Variants in CLIC4 observed in about 807,000 individuals in gnomAD.
The protein encoded by CLIC4 is CLIC family member 4, also known as chloride intracellular channel protein 4.
A neutral mutation model predicts 24.6 loss-of-function variants in CLIC4; 13 were observed. The observed-to-expected ratio is 0.53, with a 90% CI of 0.34 to 0.84. The LOEUF is 0.84. Ranked by LOEUF, CLIC4 falls within the 40% of genes least tolerant of loss-of-function variation. The pLI is 0.01. For missense variants in CLIC4, 227 were observed against 301.7 expected (o/e 0.75, Z 1.83); for synonymous variants, 104 against 111.3 (o/e 0.93, Z 0.41).
At chr1:24,805,110 A>AAC (rs1639536405) in intron 2 of CLIC4, among the ~76,000 whole-genome samples, 1 of 147,964 alleles carries the variant, frequency 6.8e-6, no homozygotes, top group African/African-American at 2.5e-5. Context: ...AAAAAACACA[A>AAC]AAACAAAGAC....
chr1:24,809,815 A>G (rs1639593835), intron 2 of CLIC4, among the ~76,000 whole-genome samples: 1 of 152,212 alleles, frequency 6.6e-6, no homozygotes, highest in Non-Finnish European at 1.5e-5. Context: ...AGGAAGGAAG[A>G]AGGAAGGCAG....
At chr1:24,772,724 T>TCCAC (rs1639085575) in intron 1 of CLIC4, among the ~76,000 whole-genome samples, 2 of 152,278 alleles carry the variant, frequency 1.3e-5, no homozygotes, top group Admixed American at 1.3e-4. Context: ...GACCTCATGA[T>TCCAC]CCACCCACCT....
chr1:24,806,660 A>G lies in CLIC4; in HGVS notation c.183-7434A>G, dbSNP rs1464880160. ...ATTAATCAGATTTTGTTTATTACCAATCAGTTAATGCTAGGTAACCATTTA... is the reference window on the plus strand; with the variant it reads ...ATTAATCAGATTTTGTTTATTACCAGTCAGTTAATGCTAGGTAACCATTTA... On this transcript the variant is annotated intron_variant, in intron 2 of 5. Transcript: ENST00000374379. Among the ~76,000 whole-genome samples, 6 of 152,316 alleles carry G rather than the reference A, an allele frequency of 3.9e-5. No homozygotes were observed. The East Asian group carries it at 1.2e-3, about 29-fold the overall frequency.
intron 3 of CLIC4, among the ~76,000 whole-genome samples, chr1:24,815,561 T>A (rs1336173059): frequency 2.0e-5 from 3 of 152,156 alleles, no homozygotes; most frequent in Non-Finnish European, 4.4e-5. Flanking sequence ...CGAGTCAATC[T>A]TTTTGCCGAT....
Position 24,745,496 on chromosome 1 carries a change from C to A in CLIC4, c.-58C>A. On this transcript the variant is annotated 5_prime_UTR_variant, in exon 1 of 6. Coordinates refer to ENST00000374379, the MANE Select transcript of CLIC4 (RefSeq NM_013943.3). Reference sequence around the variant, plus strand: ...ACCGGCAGCCGGAGCAGTCCCGGAGCAGAAGCAGCAGCAGCAGCAGCAGCC... The same window carrying A: ...ACCGGCAGCCGGAGCAGTCCCGGAGAAGAAGCAGCAGCAGCAGCAGCAGCC... The A allele has an allele frequency of 2.7e-6, 4 of 1,485,362 alleles. No homozygotes were observed. The highest frequency in any genetic ancestry group is 2.0e-5 in the Admixed American group (1 of 49,254). 92.0% of individuals were successfully genotyped at this position (1,485,362 alleles called of 1,614,324 possible).
At chr1:24,797,975 A>G in intron 2 of CLIC4, 124 bp downstream of exon 2, 1 of 686,860 alleles carries the variant, frequency 1.5e-6, no homozygotes, top group Non-Finnish European at 2.5e-6. Flanking sequence ...CTGCTGGTTT[A>G]TGGACAAACA....
intron 4 of CLIC4, among the ~76,000 whole-genome samples, chr1:24,827,470 A>C (rs1639798036): frequency 6.6e-6 from 1 of 150,720 alleles, no homozygotes; most frequent in Non-Finnish European, 1.5e-5. Flanking sequence ...TTTAGCATAG[A>C]TTGGTTGAGC....
At chr1:24,756,242 G>T (rs574163906) in intron 1 of CLIC4, among the ~76,000 whole-genome samples, 1 of 151,962 alleles carries the variant, frequency 6.6e-6, no homozygotes, top group African/African-American at 2.4e-5. Context: ...CTCGTGATCC[G>T]CCCGCCTCGG....
intron 4 of CLIC4, among the ~76,000 whole-genome samples, chr1:24,827,550 T>G (rs968519306): frequency 4.0e-5 from 6 of 151,598 alleles, no homozygotes; most frequent in Non-Finnish European, 7.4e-5. Flanking sequence ...AGGTTTTTTT[T>G]TTTTTTTTTT....
intron 1 of CLIC4, among the ~76,000 whole-genome samples, chr1:24,760,883 C>T (rs774692221): frequency 2.6e-5 from 4 of 152,022 alleles, no homozygotes; most frequent in African/African-American, 7.2e-5. Flanking sequence ...TTCAGTTTAA[C>T]GGGGCATTCC....
intron 1 of CLIC4, among the ~76,000 whole-genome samples, chr1:24,795,005 G>T (rs780748497): frequency 6.6e-5 from 10 of 152,150 alleles, no homozygotes; most frequent in Non-Finnish European, 4.4e-5. Context: ...GGTTATAGGT[G>T]TGTGGCCTTA....
At chr1:24,806,526 A>G (rs1295207869) in intron 2 of CLIC4, among the ~76,000 whole-genome samples, 2 of 152,246 alleles carry the variant, frequency 1.3e-5, no homozygotes, top group Admixed American at 6.5e-5. Context: ...AAATATATAT[A>G]TAGCCTTTCA....
intron 1 of CLIC4, among the ~76,000 whole-genome samples, chr1:24,785,289 A>G (rs977904004): frequency 1.3e-5 from 2 of 152,152 alleles, no homozygotes; most frequent in African/African-American, 4.8e-5. Flanking sequence ...GTCAAGTAAC[A>G]TTTTAAAAAC....
intron 1 of CLIC4, among the ~76,000 whole-genome samples, chr1:24,775,821 T>C (rs1313319371): frequency 6.6e-6 from 1 of 151,536 alleles, no homozygotes; most frequent in Admixed American, 6.6e-5. Context: ...GTAGTCTCCT[T>C]GATTACTTTT....
intron 1 of CLIC4, among the ~76,000 whole-genome samples, chr1:24,797,245 C>G (rs1448454686): frequency 6.6e-6 from 1 of 151,578 alleles, no homozygotes; most frequent in African/African-American, 2.4e-5. Context: ...TGCCACCACG[C>G]CTGGCCCTAG....
At chr1:24,749,163 G>A (rs1204257891) in intron 1 of CLIC4, among the ~76,000 whole-genome samples, 1 of 151,460 alleles carries the variant, frequency 6.6e-6, no homozygotes, top group Non-Finnish European at 1.5e-5. Flanking sequence ...GCAGTGAGCC[G>A]AGATAGTGCC....
chr1:24,776,490 A>C (rs1639142558), intron 1 of CLIC4, among the ~76,000 whole-genome samples: 1 of 152,224 alleles, frequency 6.6e-6, no homozygotes, highest in African/African-American at 2.4e-5. Flanking sequence ...GCCTGGTCTT[A>C]CTAGAAGACT....
chr1:24,787,709 T>TC lies in CLIC4; in HGVS notation c.73-10033_73-10032insC, dbSNP rs1457951910. Reference sequence around the variant, plus strand: ...TGCCACCACGCCAGGCTAATTTTTTTTTTTTTTTTGTATATTTAGTACAGA... The same window carrying TC: ...TGCCACCACGCCAGGCTAATTTTTTTCTTTTTTTTTGTATATTTAGTACAGA... On this transcript the variant is annotated intron_variant, in intron 1 of 5. Transcript: ENST00000374379. Among the ~76,000 whole-genome samples, 202 of 151,306 alleles carry TC rather than the reference T, an allele frequency of 1.3e-3. 4 individuals are homozygous for TC. The East Asian group carries it at 0.035, about 27-fold the overall frequency.
At chr1:24,821,811 C>T (rs1639737655) in intron 3 of CLIC4, among the ~76,000 whole-genome samples, 1 of 152,158 alleles carries the variant, frequency 6.6e-6, no homozygotes, top group South Asian at 2.1e-4. Context: ...GCCTTGAACT[C>T]CTGGGCTCAA....
Sources: allele counts gnomAD v4.1 joint callset (sites outside exome capture counted in the v4.1 genomes callset), GRCh38; gene constraint gnomAD v4.1.1; transcripts MANE v1.5; gene names NCBI Gene and HGNC (gene_info 2026-07-23, HGNC 2026-07-21).